NELL2: variants seen among roughly 807,000 people sequenced by gnomAD.
The protein encoded by NELL2 is protein kinase C-binding protein NELL2.
A neutral mutation model predicts 109.6 loss-of-function variants in NELL2; 41 were observed. The ratio of observed to expected loss-of-function variants is 0.37; its 90% confidence interval spans 0.29 to 0.49. NELL2 has a LOEUF of 0.49. NELL2 is among the 20% of genes least tolerant of loss of function. The pLI, the probability that NELL2 is intolerant of heterozygous loss-of-function variation, is 0.98. For missense variants in NELL2, 900 were observed against 1,008.3 expected (o/e 0.89, Z 1.45); for synonymous variants, 355 against 344.7 (o/e 1.03, Z -0.33).
intron 9 of NELL2, chr12:44,774,541 GA>G (rs1357077470): frequency 1.8e-6 from 1 of 543,898 alleles, no homozygotes; most frequent in East Asian, 3.2e-5. Context: ...ATTACTCCAA[GA>G]AAAAATTGTC....
chr12:44,529,120 G>A (rs1029785792), intron 16 of NELL2, among the ~76,000 whole-genome samples: 3 of 152,166 alleles, frequency 2.0e-5, no homozygotes, highest in African/African-American at 4.8e-5. Flanking sequence ...GGAATTGGGT[G>A]TGGAAGTAGG....
chr12:44,780,073 G>T lies in NELL2; in HGVS notation c.336-51C>A, dbSNP rs781123952. On this transcript the variant is annotated intron_variant, in intron 3 of 19. Transcript: ENST00000429094. ...CACATTAAAAATAAAGTTCAAAAACGATTGAAGTGATCTCTGTCTACGGGA... is the reference window on the plus strand; with the variant it reads ...CACATTAAAAATAAAGTTCAAAAACTATTGAAGTGATCTCTGTCTACGGGA... 4.4e-6 allele frequency: 7 copies of T among 1,580,424 alleles called. No individual in the cohort carries two copies. In the South Asian group the frequency reaches 6.9e-5, roughly 16 times the overall value.
intron 15 of NELL2, among the ~76,000 whole-genome samples, chr12:44,546,966 T>C (rs1565904695): frequency 6.6e-6 from 1 of 152,248 alleles, no homozygotes; most frequent in Non-Finnish European, 1.5e-5. Flanking sequence ...ATCTTTTGCA[T>C]CTAATTTCCA....
intron 13 of NELL2, among the ~76,000 whole-genome samples, chr12:44,615,256 C>T (rs749250126): frequency 3.9e-5 from 6 of 152,044 alleles, no homozygotes; most frequent in South Asian, 2.1e-4. Context: ...TTGGTGAGGG[C>T]AGGTGCAGAT....
rs537781250 is a variant in NELL2, at chr12:44,623,990, G to A, written c.1445-13020C>T. The stretch of plus-strand genomic sequence containing the variant: ...ATCACACACCAGGGCTTGTCAGGGG[G>A]TGGGGGCTAGGGGAGGGATAGCATT... On this transcript the variant is annotated intron_variant, in intron 13 of 19. Transcript: ENST00000429094. 8.5e-5 allele frequency among the ~76,000 whole-genome samples: 13 copies of A among 152,148 alleles called. No homozygotes were observed. The East Asian group carries it at 2.5e-3, about 29-fold the overall frequency.
intron 9 of NELL2, among the ~76,000 whole-genome samples, chr12:44,760,341 A>C (rs1592477821): frequency 1.3e-5 from 2 of 152,346 alleles, no homozygotes; most frequent in African/African-American, 4.8e-5. Flanking sequence ...TATCTTTAAA[A>C]GATACCAGAA....
chr12:44,855,869 A>T (rs114514580), intron 2 of NELL2, among the ~76,000 whole-genome samples: 2,272 of 152,296 alleles, frequency 0.015, 53 homozygotes, highest in African/African-American at 0.051. Context: ...TCAAAGTTAA[A>T]CAGAACTACC....
At chr12:44,769,632 C>T (rs1174744073) in intron 9 of NELL2, among the ~76,000 whole-genome samples, 2 of 152,094 alleles carry the variant, frequency 1.3e-5, no homozygotes, top group African/African-American at 4.8e-5. Flanking sequence ...CCATCAAATA[C>T]ATACATAACT....
At chr12:44,648,900 T>TTGTGTG (rs563769057) in intron 13 of NELL2, among the ~76,000 whole-genome samples, 6,275 of 107,094 alleles carry the variant, frequency 0.059, 647 homozygotes, top group African/African-American at 0.2. Flanking sequence ...CACGCCCAGC[T>TTGTGTG]TGTGTGTGTG....
At chr12:44,692,327 A>G (rs985968638) in intron 12 of NELL2, among the ~76,000 whole-genome samples, 3 of 152,174 alleles carry the variant, frequency 2.0e-5, no homozygotes, top group African/African-American at 7.2e-5. Flanking sequence ...CTAAAGATTT[A>G]AAGTCCACTG....
At position 44,703,861 on chromosome 12, in the gene NELL2, A is replaced by G; in HGVS notation, c.1190-7T>C. The G allele has an allele frequency of 3.2e-6, 5 of 1,577,918 alleles. No homozygotes were observed. The South Asian group carries it at 3.4e-5, about 11-fold the overall frequency. On this transcript the variant is annotated splice_region_variant and splice_polypyrimidine_tract_variant and intron_variant, in intron 11 of 19. Coordinates refer to ENST00000429094, the MANE Select transcript of NELL2 (RefSeq NM_001145108.2). Reference sequence around the variant, plus strand: ...TCAGAACAAAAGTCATAACCTACAGAAAAAAAAAGAAATTTATTAAGGTAA... The same window carrying G: ...TCAGAACAAAAGTCATAACCTACAGGAAAAAAAAGAAATTTATTAAGGTAA...
chr12:44,714,571 A>G, intron 10 of NELL2, 79 bp downstream of exon 10: 1 of 768,592 alleles, frequency 1.3e-6, no homozygotes, highest in Non-Finnish European at 2.1e-6. Context: ...AATGTATTTC[A>G]AGGTTGAGCT....
chr12:44,702,885 TA>T (rs1253249176), intron 12 of NELL2, among the ~76,000 whole-genome samples: 31 of 152,308 alleles, frequency 2.0e-4, no homozygotes, highest in African/African-American at 7.2e-4. Context: ...ATCCTGCAGC[TA>T]AACAGAAGCT....
At position 44,508,983 on chromosome 12, in the gene NELL2, T is replaced by C. The variant is rs1250914359; in HGVS notation, c.2402A>G (p.Asn801Ser). ...ATCCACTGAGCAACAGATGTGGCCA[T>C]TCTAGATTTAAAAAAAGTAGAAAGA... The part of the protein sequence containing the change: ...GTECTLCQCK[N>S]GHICCSVDPQ... Residue 801 changes from asparagine to serine, a missense_variant and splice_region_variant, in exon 20 of 20, where the codon AAT becomes AGT. This residue lies in a region of NELL2 where 333 missense variants were observed against 432.3 expected (regional missense o/e 0.77). Transcript: ENST00000429094. The C allele has an allele frequency of 1.4e-5, 23 of 1,612,176 alleles. No homozygotes were observed. The highest frequency in any genetic ancestry group is 1.9e-5 in the Non-Finnish European group (22 of 1,178,818).
chr12:44,684,555 AGT>A (rs1167990007), intron 12 of NELL2, among the ~76,000 whole-genome samples: 6 of 152,094 alleles, frequency 3.9e-5, no homozygotes, highest in African/African-American at 1.4e-4. Context: ...GTGGGCAATT[AGT>A]GTTATAAATT....
rs139956751 is a variant in NELL2, at chr12:44,703,860, GA to G, written c.1190-7del. On this transcript the variant is annotated splice_region_variant and splice_polypyrimidine_tract_variant and intron_variant, in intron 11 of 19. Transcript: ENST00000429094. ...TTCAGAACAAAAGTCATAACCTACA[GA>G]AAAAAAAAGAAATTTATTAAGGTAA... The G allele has an allele frequency of 2.6e-5, 40 of 1,561,472 alleles. No homozygotes were observed. Among genetic ancestry groups the G allele is most frequent in the Admixed American group, 3.7e-5 (2 of 53,376 alleles).
At chr12:44,752,365 CTTA>C (rs989397727) in intron 9 of NELL2, among the ~76,000 whole-genome samples, 2 of 152,096 alleles carry the variant, frequency 1.3e-5, no homozygotes, top group Non-Finnish European at 2.9e-5. Flanking sequence ...TTTAAAAAGG[CTTA>C]TTTTTTTCCA....
At chr12:44,794,294 C>A (rs563463908) in intron 3 of NELL2, among the ~76,000 whole-genome samples, 1 of 152,262 alleles carries the variant, frequency 6.6e-6, no homozygotes, top group South Asian at 2.1e-4. Context: ...TCAGTACATA[C>A]AAAATACTCA....
intron 13 of NELL2, among the ~76,000 whole-genome samples, chr12:44,622,550 C>T (rs1041012817): frequency 6.6e-6 from 1 of 152,002 alleles, no homozygotes; most frequent in Non-Finnish European, 1.5e-5. Context: ...GAAAAAAGTA[C>T]CTCAAAACAA....
Sources: allele counts gnomAD v4.1 joint callset (sites outside exome capture counted in the v4.1 genomes callset), GRCh38; gene constraint gnomAD v4.1.1; regional missense constraint gnomAD v4.1.1; transcripts MANE v1.5; gene names NCBI Gene and HGNC (gene_info 2026-07-23, HGNC 2026-07-21).